Variants in IL6R observed in about 807,000 individuals in gnomAD.
The protein encoded by IL6R is interleukin 6 receptor.
Under a neutral mutation model 48.3 loss-of-function variants are expected in IL6R, and 38 were observed. The observed-to-expected ratio is 0.79, with a 90% CI of 0.61 to 1.03. The LOEUF (loss-of-function observed/expected upper bound fraction) is 1.03. Among genes scored for constraint, IL6R ranks in the 50% least tolerant of loss-of-function variants. The probability of loss-of-function intolerance (pLI) is 0.00; values close to 1 mark genes in which losing one functional copy is unlikely to be tolerated. For missense variants in IL6R, 534 were observed against 618.3 expected (o/e 0.86, Z 1.45); for synonymous variants, 264 against 256.2 (o/e 1.03, Z -0.29).
chr1:154,411,201 G>A (rs1050767142), intron 1 of IL6R, among the ~76,000 whole-genome samples: 1 of 152,020 alleles, frequency 6.6e-6, no homozygotes, highest in African/African-American at 2.4e-5. Flanking sequence ...TGGCATTACG[G>A]GTGCACACCA....
chr1:154,443,850 C>T (rs1318620501), intron 6 of IL6R, among the ~76,000 whole-genome samples: 3 of 152,192 alleles, frequency 2.0e-5, no homozygotes, highest in African/African-American at 4.8e-5. Flanking sequence ...CCAGATCCTC[C>T]CTCCTGTGCC....
At chr1:154,417,349 C>CT (rs1378160699) in intron 1 of IL6R, among the ~76,000 whole-genome samples, 1 of 152,138 alleles carries the variant, frequency 6.6e-6, no homozygotes, top group Non-Finnish European at 1.5e-5. Flanking sequence ...CTGAGTCGTC[C>CT]TTAAGAGTCC....
intron 1 of IL6R, among the ~76,000 whole-genome samples, chr1:154,423,682 C>T (rs1456938156): frequency 6.6e-6 from 1 of 152,086 alleles, no homozygotes; most frequent in Non-Finnish European, 1.5e-5. Flanking sequence ...TATTTTGAAG[C>T]AGGGCTGTGA....
intron 3 of IL6R, 141 bp from the exon 4 acceptor site, chr1:154,434,378 G>A (rs1689483906): frequency 1.5e-6 from 1 of 658,290 alleles, no homozygotes; most frequent in African/African-American, 1.8e-5. Flanking sequence ...ATTTTCAAAT[G>A]AGAAAAGGAG....
intron 1 of IL6R, among the ~76,000 whole-genome samples, chr1:154,406,754 C>T (rs973038689): frequency 6.6e-6 from 1 of 152,154 alleles, no homozygotes; most frequent in Non-Finnish European, 1.5e-5. Context: ...AGAGGCTGAG[C>T]TGGAGTGTCT....
At position 154,468,779 on chromosome 1, in the gene IL6R, T is replaced by C. The variant is rs1691663838; in HGVS notation, c.*3399T>C. ...TTGTTTCCTGGAGAATGTTCAGGAA[T>C]GTCTTCCCAGCTGCTTTGGTGCTGA... On this transcript the variant is annotated 3_prime_UTR_variant, in exon 10 of 10. Coordinates refer to ENST00000368485, the MANE Select transcript of IL6R (RefSeq NM_000565.4). 1 of 152,290 alleles carries C rather than the reference T, an allele frequency of 6.6e-6. No individual in the cohort carries two copies. Among genetic ancestry groups the C allele is most frequent in the Non-Finnish European group, 1.5e-5 (1 of 68,098 alleles). The allele number at this position is 152,290 out of a possible 1,614,324, so 9.4% of individuals were successfully genotyped here. A position where few individuals can be genotyped will look rare whatever the true frequency, so the allele number is the denominator to read the frequency against.
Position 154,429,333 on chromosome 1 carries a change from G to T in IL6R, c.223G>T (p.Ala75Ser). The change falls in exon 2 of 10, where the codon GCT (alanine) becomes TCT (serine). Residue 75 changes from alanine to serine, a missense_variant. By Grantham distance (99) the Ala-to-Ser change is moderately conservative (BLOSUM62 1). Coordinates refer to ENST00000368485, the MANE Select transcript of IL6R (RefSeq NM_000565.4). Reference sequence around the variant, plus strand: ...TGCAGGCTCCCACCCCAGCAGATGGGCTGGCATGGGAAGGAGGCTGCTGCT... The same window carrying T: ...TGCAGGCTCCCACCCCAGCAGATGGTCTGGCATGGGAAGGAGGCTGCTGCT... ...PAAGSHPSRW[A>S]GMGRRLLLRS... The T allele has an allele frequency of 6.2e-7, 1 of 1,614,132 alleles. No homozygotes were observed. The highest frequency in any genetic ancestry group is 8.5e-7 in the Non-Finnish European group (1 of 1,180,022).
chr1:154,445,036 G>A, intron 6 of IL6R: 2 of 455,460 alleles, frequency 4.4e-6, no homozygotes, highest in South Asian at 3.1e-5. Context: ...TTCTGTACTT[G>A]TCTCCACTAG....
chr1:154,426,572 A>G (rs1475077460), intron 1 of IL6R, among the ~76,000 whole-genome samples: 2 of 151,956 alleles, frequency 1.3e-5, no homozygotes, highest in African/African-American at 4.8e-5. Context: ...GCAGAAGACT[A>G]TATTCAAACC....
intron 1 of IL6R, among the ~76,000 whole-genome samples, chr1:154,426,112 TAC>T (rs1688950388): frequency 8.3e-6 from 1 of 120,966 alleles, no homozygotes; most frequent in African/African-American, 3.3e-5. Context: ...CACACACATA[TAC>T]ACACAAAGGA....
At chr1:154,451,756 G>A (rs972241690) in intron 8 of IL6R, among the ~76,000 whole-genome samples, 1 of 151,972 alleles carries the variant, frequency 6.6e-6, no homozygotes, top group East Asian at 1.9e-4. Flanking sequence ...GGCTGGACTC[G>A]AACTCCCCAC....
At chr1:154,456,287 C>T (rs1261132227) in intron 9 of IL6R, among the ~76,000 whole-genome samples, 1 of 149,528 alleles carries the variant, frequency 6.7e-6, no homozygotes, top group Admixed American at 6.7e-5. Context: ...CTCACTGCAA[C>T]TTCCGCCTCC....
At chr1:154,451,466 T>G (rs998948580) in intron 8 of IL6R, among the ~76,000 whole-genome samples, 3 of 151,806 alleles carry the variant, frequency 2.0e-5, no homozygotes, top group African/African-American at 4.8e-5. Context: ...TGCAGTGAGC[T>G]GAGATCGAGC....
chr1:154,415,965 C>CA (rs942333152), intron 1 of IL6R, among the ~76,000 whole-genome samples: 17 of 149,520 alleles, frequency 1.1e-4, no homozygotes, highest in East Asian at 2.0e-4. Context: ...GACTCCATCT[C>CA]AAAAAAAAAT....
In IL6R at chr1:154,457,971, T is replaced by TC. The variant is rs59439538; in HGVS notation, c.1160+3390_1160+3391insC. Among the ~76,000 whole-genome samples, 24 of 132,198 alleles carry TC rather than the reference T, an allele frequency of 1.8e-4. 1 individual carries two copies. Among genetic ancestry groups the TC allele is most frequent in the East Asian group, 6.3e-4 (3 of 4,754 alleles). The allele number at this position is 132,198 out of a possible 152,430, so 86.7% of individuals were successfully genotyped here. On this transcript the variant is annotated intron_variant, in intron 9 of 9. Coordinates refer to ENST00000368485, the MANE Select transcript of IL6R (RefSeq NM_000565.4). The stretch of plus-strand genomic sequence containing the variant: ...TTTCTTTTTCTTTTTCTTTTTCTTT[T>TC]TTTTTTTTTTTTTGAGACGGAGTCT...
chr1:154,442,215 C>G (rs61812596), intron 6 of IL6R, among the ~76,000 whole-genome samples: 1 of 151,886 alleles, frequency 6.6e-6, no homozygotes, highest in Non-Finnish European at 1.5e-5. Flanking sequence ...ATGTCTAATA[C>G]GTAATAGATG....
intron 3 of IL6R, among the ~76,000 whole-genome samples, chr1:154,431,286 A>G (rs1387134277): frequency 6.6e-6 from 1 of 152,150 alleles, no homozygotes; most frequent in East Asian, 1.9e-4. Context: ...CTGCCTCTGC[A>G]GTTTTGCTGG....
rs1252850866 is a variant in IL6R, at chr1:154,436,105, G to C, written c.944G>C (p.Trp315Ser). 8.7e-6 allele frequency: 14 copies of C among 1,608,900 alleles called. No individual in the cohort carries two copies. Among genetic ancestry groups the C allele is most frequent in the Non-Finnish European group, 1.2e-5 (14 of 1,176,268 alleles). Residue 315 changes from tryptophan (W) to serine (S), a missense_variant, in exon 6 of 10, where the codon TGG becomes TCG. By Grantham distance (177) the Trp-to-Ser change is radical. Transcript: ENST00000368485. ...EWSPEAMGTP[W>S]TESRSPPAEN... ...AGCCCGGAGGCCATGGGCACGCCTT[G>C]GACAGGTACTGCGGTGGGCACTGAG...
chr1:154,421,024 G>A (rs959776534), intron 1 of IL6R, among the ~76,000 whole-genome samples: 1 of 152,150 alleles, frequency 6.6e-6, no homozygotes, highest in African/African-American at 2.4e-5. Context: ...CTTAGTCCCA[G>A]GTGAGGTGCT....
Sources: gnomAD v4.1 joint callset for allele counts (sites outside exome capture counted in the v4.1 genomes callset) on GRCh38, gnomAD v4.1.1 for gene constraint, MANE v1.5 for transcripts, NCBI Gene and HGNC (gene_info 2026-07-23, HGNC 2026-07-21) for gene names.